Variants in NR2C1 observed in about 807,000 individuals in gnomAD.
NR2C1 encodes nuclear receptor subfamily 2 group C member 1, also known as TR2 nuclear hormone receptor.
In NR2C1, 33 loss-of-function variants were observed where a neutral mutation model predicts 74.8. The ratio of observed to expected loss-of-function variants is 0.44; its 90% confidence interval spans 0.33 to 0.59. The LOEUF is 0.59. Among genes scored for constraint, NR2C1 ranks in the 20% least tolerant of loss-of-function variants. The pLI, the probability that NR2C1 is intolerant of heterozygous loss-of-function variation, is 0.02. For missense variants in NR2C1, 568 were observed against 715.6 expected (o/e 0.79, Z 2.35); for synonymous variants, 225 against 240.6 (o/e 0.94, Z 0.60).
Position 95,058,429 on chromosome 12 carries a change from C to T in NR2C1, c.425G>A (p.Arg142Gln), listed in dbSNP as rs950651652. Residue 142 changes from arginine to glutamine, a missense_variant, in exon 5 of 14, where the codon CGA becomes CAA. This residue lies in a region of NR2C1 where 44 missense variants were observed against 95.6 expected (regional missense o/e 0.46). Coordinates refer to ENST00000333003, the MANE Select transcript of NR2C1 (RefSeq NM_003297.4). ...TCGACATGAATATACTAAATTTTTT[C>T]GGATGCTTCTTTTAAAAAATCCTTT... is the stretch of plus-strand genomic sequence containing the variant. Reference protein sequence around the residue: ...GCKGFFKRSIRKNLVYSCRGS... With the variant: ...GCKGFFKRSIQKNLVYSCRGS... 2 of 1,613,484 alleles carry T rather than the reference C, an allele frequency of 1.2e-6. No homozygotes were observed. The highest frequency in any genetic ancestry group is 1.7e-6 in the Non-Finnish European group (2 of 1,179,796).
In NR2C1 at chr12:95,022,042, T is replaced by G; in HGVS notation, c.*187A>C. ...ATTTAAAGGAATCAGGAAGAAAAAT[T>G]CATTTAATTTCTGCTGCCTGCCCAG... On this transcript the variant is annotated 3_prime_UTR_variant, in exon 14 of 14. Coordinates refer to ENST00000333003, the MANE Select transcript of NR2C1 (RefSeq NM_003297.4). The G allele has an allele frequency of 2.2e-6, 1 of 455,784 alleles. No homozygotes were observed. The highest frequency in any genetic ancestry group is 3.8e-6 in the Non-Finnish European group (1 of 263,176). 28.2% of individuals were successfully genotyped at this position (455,784 alleles called of 1,614,324 possible). A position where few individuals can be genotyped will look rare whatever the true frequency, so the allele number is the denominator to read the frequency against.
At chr12:95,048,770 A>G (rs1872623923) in intron 9 of NR2C1, among the ~76,000 whole-genome samples, 1 of 151,950 alleles carries the variant, frequency 6.6e-6, no homozygotes, top group Non-Finnish European at 1.5e-5. Context: ...GATTACAGGC[A>G]TGCACCATCA....
intron 7 of NR2C1, among the ~76,000 whole-genome samples, chr12:95,055,952 CAA>C (rs3048563): frequency 2.1e-4 from 12 of 56,510 alleles, no homozygotes; most frequent in East Asian, 8.8e-4. Context: ...GACTCCGTCT[CAA>C]AAAAAAAAAA....
intron 12 of NR2C1, among the ~76,000 whole-genome samples, chr12:95,025,803 T>C (rs1592719618): frequency 6.7e-6 from 1 of 150,228 alleles, no homozygotes; most frequent in East Asian, 1.9e-4. Flanking sequence ...TAATAAAAAA[T>C]AAGCGGGTGT....
At chr12:95,031,558 TCC>T in intron 10 of NR2C1, 70 bp from the exon 11 acceptor site, 5 of 1,208,510 alleles carry the variant, frequency 4.1e-6, no homozygotes, top group Non-Finnish European at 5.6e-6. Flanking sequence ...TTACAGCTAG[TCC>T]AAATACTTAA....
intron 1 of NR2C1, among the ~76,000 whole-genome samples, chr12:95,072,466 A>G (rs1369899606): frequency 6.6e-6 from 1 of 150,514 alleles, no homozygotes. Flanking sequence ...AAAAAAAAAA[A>G]AAAAAAAAGA....
intron 7 of NR2C1, among the ~76,000 whole-genome samples, chr12:95,053,865 G>A (rs1043478549): frequency 5.9e-5 from 9 of 151,580 alleles, no homozygotes; most frequent in Non-Finnish European, 1.3e-4. Context: ...TTGTATTTTT[G>A]GTAGAGACAG....
At chr12:95,067,201 C>CA in intron 2 of NR2C1, 130 bp downstream of exon 2, 1 of 762,146 alleles carries the variant, frequency 1.3e-6, no homozygotes, top group South Asian at 1.6e-5. Context: ...AACTATCTCT[C>CA]AGTAGCTTGA....
At chr12:95,066,915 G>A (rs1565878040) in intron 2 of NR2C1, 1 of 161,230 alleles carries the variant, frequency 6.2e-6, no homozygotes, top group East Asian at 1.8e-4. Flanking sequence ...AAATTATGTG[G>A]TATCTCTTAC....
At chr12:95,065,726 C>T (rs149701823) in intron 2 of NR2C1, among the ~76,000 whole-genome samples, 2,051 of 151,826 alleles carry the variant, frequency 0.014, 41 homozygotes, top group African/African-American at 0.047. Flanking sequence ...CTGAGGTGGG[C>T]GGATCATGAG....
At chr12:95,067,790 T>C (rs1234546931) in intron 1 of NR2C1, among the ~76,000 whole-genome samples, 1 of 151,868 alleles carries the variant, frequency 6.6e-6, no homozygotes, top group Non-Finnish European at 1.5e-5. Flanking sequence ...CTCAAACTCC[T>C]GGGCTCAAGC....
chr12:95,022,485 C>T, intron 13 of NR2C1, 82 bp from the exon 14 acceptor site: 1 of 1,063,332 alleles, frequency 9.4e-7, no homozygotes, highest in Non-Finnish European at 1.4e-6. Context: ...GTAATTTCTG[C>T]ATGTGGCCTA....
At chr12:95,039,082 C>A (rs79193785) in intron 10 of NR2C1, among the ~76,000 whole-genome samples, 7,892 of 151,916 alleles carry the variant, frequency 0.052, 260 homozygotes, top group Middle Eastern at 0.095. Flanking sequence ...ACAAAAAAAA[C>A]CCCAGAAAAC....
intron 11 of NR2C1, among the ~76,000 whole-genome samples, 177 bp from the exon 12 acceptor site, chr12:95,028,701 C>A (rs1592723876): frequency 6.6e-6 from 1 of 152,146 alleles, no homozygotes; most frequent in East Asian, 1.9e-4. Context: ...GTGATCTTGG[C>A]TCACTGCAAC....
chr12:95,039,106 A>G (rs562332340), intron 10 of NR2C1, among the ~76,000 whole-genome samples: 1 of 152,314 alleles, frequency 6.6e-6, no homozygotes, highest in Non-Finnish European at 1.5e-5. Context: ...AGAAATGCTG[A>G]AAATTGAATG....
At chr12:95,036,086 C>T (rs1488987743) in intron 10 of NR2C1, among the ~76,000 whole-genome samples, 7 of 152,174 alleles carry the variant, frequency 4.6e-5, no homozygotes. Flanking sequence ...TCAGTAGAGA[C>T]TCCTCCATTT....
intron 9 of NR2C1, among the ~76,000 whole-genome samples, chr12:95,042,252 C>T (rs1168872155): frequency 1.4e-5 from 2 of 141,116 alleles, no homozygotes; most frequent in South Asian, 2.2e-4. Context: ...GATGGGGTCT[C>T]GCTCTGTCAC....
intron 2 of NR2C1, among the ~76,000 whole-genome samples, chr12:95,063,958 G>A (rs1161697611): frequency 2.7e-5 from 4 of 150,632 alleles, no homozygotes; most frequent in Non-Finnish European, 5.9e-5. Context: ...GAACCCTGGA[G>A]GCGGAGGTTG....
intron 9 of NR2C1, among the ~76,000 whole-genome samples, chr12:95,047,187 G>A (rs1387658831): frequency 6.6e-6 from 1 of 152,024 alleles, no homozygotes; most frequent in Non-Finnish European, 1.5e-5. Flanking sequence ...ATCCAAAGCA[G>A]AACATAAACC....
Sources: gnomAD v4.1 joint callset for allele counts (sites outside exome capture counted in the v4.1 genomes callset) on GRCh38, gnomAD v4.1.1 for gene constraint, gnomAD v4.1.1 regional missense constraint, MANE v1.5 for transcripts, NCBI Gene and HGNC (gene_info 2026-07-23, HGNC 2026-07-21) for gene names.